Variants in MLIP observed in about 807,000 individuals in gnomAD.
MLIP encodes muscular LMNA-interacting protein.
A neutral mutation model predicts 84.8 loss-of-function variants in MLIP; 79 were observed. The ratio of observed to expected loss-of-function variants is 0.93; its 90% CI spans 0.78 to 1.12. The LOEUF is 1.12. Among genes scored for constraint, MLIP ranks in the 50% most tolerant of loss-of-function variants. The probability of loss-of-function intolerance (pLI) is 0.00; values close to 1 mark genes in which losing one functional copy is unlikely to be tolerated. For synonymous variants in MLIP, 504 were observed against 463.0 expected (o/e 1.09, Z -1.14); for missense variants, 1,257 against 1,160.6 (o/e 1.08, Z -1.21).
In MLIP at chr6:54,155,309, G is replaced by C. The variant is rs76254002; in HGVS notation, c.2290-5058G>C. Among the ~76,000 whole-genome samples, 1,251 of 152,036 alleles carry C rather than the reference G, an allele frequency of 8.2e-3. 10 individuals are homozygous for C. Among genetic ancestry groups the C allele is most frequent in the Non-Finnish European group, 0.013 (855 of 67,944 alleles). On this transcript the variant is annotated intron_variant, in intron 5 of 13. Transcript: ENST00000502396. ...AACAATATCTACTATCCTACACATG[G>C]TTTTATATTAGTCCGGTAAGTATTT... is the stretch of plus-strand genomic sequence containing the variant.
In MLIP at chr6:54,021,214, A is replaced by C. The variant is rs143937993; in HGVS notation, c.63+2123A>C. ...AAAATGTATTTTTGTGGAGTTCACTATTTTCTGAAATTTATTCAATTTATT... is the reference window on the plus strand; with the variant it reads ...AAAATGTATTTTTGTGGAGTTCACTCTTTTCTGAAATTTATTCAATTTATT... On this transcript the variant is annotated intron_variant, in intron 1 of 12. Transcript: ENST00000274897. Among the ~76,000 whole-genome samples the C allele has an allele frequency of 9.9e-3, 1,509 of 152,300 alleles. 26 individuals are homozygous for C. Among genetic ancestry groups the C allele is most frequent in the African/African-American group, 0.034 (1,394 of 41,554 alleles).
intron 12 of MLIP, 72 bp from the exon 13 acceptor site, chr6:54,257,236 A>T: frequency 9.3e-7 from 1 of 1,073,826 alleles, no homozygotes; most frequent in Non-Finnish European, 1.4e-6. Context: ...CAATCTGTTT[A>T]AATGAAATTT....
At chr6:54,264,186 AT>A (rs1783557111) in intron 13 of MLIP, among the ~76,000 whole-genome samples, 1 of 152,048 alleles carries the variant, frequency 6.6e-6, no homozygotes, top group Admixed American at 6.6e-5. Context: ...CTTCAATCTG[AT>A]TTAATGATTC....
chr6:54,249,576 T>C (rs1377316460), intron 12 of MLIP, among the ~76,000 whole-genome samples: 2 of 151,814 alleles, frequency 1.3e-5, no homozygotes, highest in African/African-American at 4.8e-5. Context: ...ATTGCCTATG[T>C]TTTATTCCAG....
At chr6:54,228,589 G>T (rs1223115608) in intron 11 of MLIP, among the ~76,000 whole-genome samples, 1 of 75,294 alleles carries the variant, frequency 1.3e-5, no homozygotes, top group Non-Finnish European at 4.4e-5. Flanking sequence ...GAACTTAGAG[G>T]CACAAAACAC....
intron 12 of MLIP, among the ~76,000 whole-genome samples, chr6:54,234,903 A>T (rs1296957671): frequency 6.6e-6 from 1 of 150,978 alleles, no homozygotes; most frequent in Non-Finnish European, 1.5e-5. Context: ...GGCCTTAGTG[A>T]TTATCTTAGT....
intron 11 of MLIP, chr6:54,215,278 CGAT>C: frequency 6.8e-7 from 1 of 1,476,472 alleles, no homozygotes. Flanking sequence ...GAGAAAAAGA[CGAT>C]GATAGAATTC....
In MLIP at chr6:54,106,289, G is replaced by A. The variant is rs566374538; in HGVS notation, c.64-15158G>A. ...CCCTAAGAAGGCAGAGTGACTTTGGGCAAGAAGTTTTTTTTTTCTTGAAGA... is the reference window on the plus strand; with the variant it reads ...CCCTAAGAAGGCAGAGTGACTTTGGACAAGAAGTTTTTTTTTTCTTGAAGA... On this transcript the variant is annotated intron_variant, in intron 1 of 12. Transcript: ENST00000274897. Among the ~76,000 whole-genome samples the A allele has an allele frequency of 3.3e-5, 5 of 152,236 alleles. No homozygotes were observed. The South Asian group carries it at 1.0e-3, about 32-fold the overall frequency.
intron 1 of MLIP, among the ~76,000 whole-genome samples, chr6:54,094,338 A>T (rs144463339): frequency 6.6e-6 from 1 of 151,862 alleles, no homozygotes; most frequent in Non-Finnish European, 1.5e-5. Context: ...ATGGAGAAGT[A>T]TTTTGAGAGA....
intron 9 of MLIP, among the ~76,000 whole-genome samples, chr6:54,174,290 TC>T (rs1340774990): frequency 6.6e-6 from 1 of 151,950 alleles, no homozygotes; most frequent in Non-Finnish European, 1.5e-5. Flanking sequence ...GGTAGCTCTT[TC>T]TTTTTCATTT....
At chr6:54,184,394 G>T (rs1376728433) in intron 9 of MLIP, among the ~76,000 whole-genome samples, 1 of 152,076 alleles carries the variant, frequency 6.6e-6, no homozygotes, top group Non-Finnish European at 1.5e-5. Flanking sequence ...CTTGATTTTT[G>T]CCCCAGGCCC....
chr6:54,261,159 A>G (rs371596172), intron 13 of MLIP, among the ~76,000 whole-genome samples: 3 of 152,192 alleles, frequency 2.0e-5, no homozygotes. Flanking sequence ...AAATTCTAGT[A>G]GTGACAATTA....
intron 9 of MLIP, among the ~76,000 whole-genome samples, chr6:54,170,907 A>T (rs935318483): frequency 1.3e-5 from 2 of 151,490 alleles, no homozygotes; most frequent in Non-Finnish European, 3.0e-5. Flanking sequence ...TAGTGGGTAC[A>T]AGAAAAGAAA....
chr6:54,199,374 C>T (rs2754805), intron 10 of MLIP, among the ~76,000 whole-genome samples: 147,321 of 152,152 alleles, frequency 0.97, 71,509 homozygotes, highest in East Asian at 1. Flanking sequence ...AAAGAATTTA[C>T]AAGAAATTGA....
chr6:54,034,316 ATATAAT>A (rs1182157423), intron 1 of MLIP, among the ~76,000 whole-genome samples: 1 of 152,194 alleles, frequency 6.6e-6, no homozygotes, highest in Non-Finnish European at 1.5e-5. Context: ...TCATTAGCAA[ATATAAT>A]TATATTATTT....
chr6:54,240,639 G>T (rs911190913), intron 12 of MLIP, among the ~76,000 whole-genome samples: 1 of 152,276 alleles, frequency 6.6e-6, no homozygotes, highest in Non-Finnish European at 1.5e-5. Flanking sequence ...TTAGGACTCA[G>T]ATTGGGCTGT....
intron 1 of MLIP, among the ~76,000 whole-genome samples, chr6:54,071,892 G>A (rs949244032): frequency 4.6e-5 from 7 of 152,180 alleles, no homozygotes; most frequent in African/African-American, 1.7e-4. Flanking sequence ...CTTCTTCGTA[G>A]TTCTTTGGTG....
Position 54,266,187 on chromosome 6 carries a change from C to A in MLIP, c.*232C>A. ...CAGCTTTTTGCACCACTGTTCTAGC[C>A]TTTAATGCCTTCTACTTAATATTAA... is the stretch of plus-strand genomic sequence containing the variant. On this transcript the variant is annotated 3_prime_UTR_variant, in exon 14 of 14. Coordinates refer to ENST00000502396, the MANE Select transcript of MLIP (RefSeq NM_001281747.2). 3.7e-6 allele frequency: 2 copies of A among 537,160 alleles called. No individual in the cohort carries two copies. The highest frequency in any genetic ancestry group is 5.6e-5 in the South Asian group (2 of 35,936). 33.3% of individuals were successfully genotyped at this position (537,160 alleles called of 1,614,324 possible). A position where few individuals can be genotyped will look rare whatever the true frequency, so the allele number is the denominator to read the frequency against.
chr6:54,189,844 A>G (rs376041584), intron 9 of MLIP, 26 bp from the exon 10 acceptor site: 93 of 1,551,048 alleles, frequency 6.0e-5, no homozygotes, highest in Non-Finnish European at 8.1e-5. Flanking sequence ...AGTTTCACTA[A>G]TAAATGCCAT....
Sources: gnomAD v4.1 joint callset for allele counts (sites outside exome capture counted in the v4.1 genomes callset) on GRCh38, gnomAD v4.1.1 for gene constraint, MANE v1.5 for transcripts, NCBI Gene and HGNC (gene_info 2026-07-23, HGNC 2026-07-21) for gene names.